Variants in TGS1 observed in about 807,000 individuals in gnomAD.
The protein encoded by TGS1 is trimethylguanosine synthase 1, also known as trimethylguanosine synthase.
In TGS1, 69 loss-of-function variants were observed where a neutral mutation model predicts 92.2. The observed-to-expected ratio is 0.75, with a 90% confidence interval of 0.62 to 0.91. TGS1 has a LOEUF of 0.91. TGS1 is among the 40% of genes least tolerant of loss of function. The pLI is 0.00. For missense variants in TGS1, 1,062 were observed against 1,001.2 expected (o/e 1.06, Z -0.82); for synonymous variants, 345 against 338.1 (o/e 1.02, Z -0.22).
chr8:55,801,432 A>G (rs1413235818), intron 8 of TGS1, among the ~76,000 whole-genome samples: 2 of 147,254 alleles, frequency 1.4e-5, no homozygotes, highest in Non-Finnish European at 3.0e-5. Flanking sequence ...CACCGTGCCC[A>G]GCTAATTTTT....
intron 12 of TGS1, among the ~76,000 whole-genome samples, chr8:55,819,310 T>C (rs1803569082): frequency 7.4e-6 from 1 of 134,808 alleles, no homozygotes; most frequent in Non-Finnish European, 1.6e-5. Context: ...TTTTTTTTTT[T>C]TTTGAGATGG....
Position 55,794,390 on chromosome 8 carries a change from A to G in TGS1, c.1368-1588A>G, listed in dbSNP as rs192484836. ...CTTCTTATTGCTGAATAGAATTCCAATGTATGGATGTACCAAAATTTGCTC... is the reference window on the plus strand; with the variant it reads ...CTTCTTATTGCTGAATAGAATTCCAGTGTATGGATGTACCAAAATTTGCTC... On this transcript the variant is annotated intron_variant, in intron 6 of 12. Coordinates refer to ENST00000260129, the MANE Select transcript of TGS1 (RefSeq NM_024831.8). 3.1e-3 allele frequency among the ~76,000 whole-genome samples: 479 copies of G among 152,274 alleles called. 5 individuals carry two copies. Among genetic ancestry groups the G allele is most frequent in the African/African-American group, 0.01 (420 of 41,548 alleles).
Position 55,785,867 on chromosome 8 carries a change from GA to G in TGS1, c.316del (p.Ile106Ter), listed in dbSNP as rs1342672924. ...SMGLPLQFGR[I>X]TAHKDFEVSM... The stretch of plus-strand genomic sequence containing the variant: ...TGGGATTGCCACTTCAATTTGGTAG[GA>G]TAACTGCACATAAGGATTTTGAGGT... On this transcript the variant is annotated frameshift_variant, in exon 3 of 13. Coordinates refer to ENST00000260129, the MANE Select transcript of TGS1 (RefSeq NM_024831.8). LOFTEE classifies it high-confidence loss of function. 1.2e-6 allele frequency: 2 copies of G among 1,608,392 alleles called. No individual in the cohort carries two copies. Among genetic ancestry groups the G allele is most frequent in the Non-Finnish European group, 8.5e-7 (1 of 1,178,126 alleles).
chr8:55,788,497 C>T (rs1325318306), intron 4 of TGS1, among the ~76,000 whole-genome samples: 1 of 148,366 alleles, frequency 6.7e-6, no homozygotes, highest in Non-Finnish European at 1.5e-5. Flanking sequence ...ACTCTGTCAC[C>T]CAAGCTGGAG....
In TGS1 at chr8:55,792,747, G is replaced by A. The variant is rs1811921363; in HGVS notation, c.1330G>A (p.Gly444Ser). ...CCCAGCTTCAGACTTTGATGACAGT[G>A]GTTCCCTTCTAGGATTCAAGTATGG... is the stretch of plus-strand genomic sequence containing the variant. ...ENPASDFDDS[G>S]SLLGFKYGSG... Residue 444 changes from glycine to serine, a missense_variant, in exon 6 of 13, where the codon GGT becomes AGT. Coordinates refer to ENST00000260129, the MANE Select transcript of TGS1 (RefSeq NM_024831.8). 6.2e-7 allele frequency: 1 copy of A among 1,613,774 alleles called. No individual in the cohort carries two copies. The highest frequency in any genetic ancestry group is 8.5e-7 in the Non-Finnish European group (1 of 1,179,786).
At chr8:55,804,028 C>G (rs996010218) in intron 9 of TGS1, among the ~76,000 whole-genome samples, 1 of 152,160 alleles carries the variant, frequency 6.6e-6, no homozygotes, top group Non-Finnish European at 1.5e-5. Context: ...TCTCTTTACT[C>G]TAGAGTGGAC....
intron 11 of TGS1, 139 bp downstream of exon 11, chr8:55,811,236 G>C: frequency 1.4e-6 from 1 of 707,232 alleles, no homozygotes; most frequent in African/African-American, 1.8e-5. Flanking sequence ...GCTGAGGCAG[G>C]TGGATCACCT....
intron 6 of TGS1, 120 bp downstream of exon 6, chr8:55,792,904 C>A: frequency 1.5e-6 from 1 of 668,412 alleles, no homozygotes; most frequent in Non-Finnish European, 2.6e-6. Flanking sequence ...CATTAAATCA[C>A]TTCTTGTTAG....
chr8:55,813,131 T>A lies in TGS1; in HGVS notation c.2439+13T>A. On this transcript the variant is annotated intron_variant, in intron 12 of 12. Transcript: ENST00000260129. ...TGATATTGACCAGGTAAGCCATTAC[T>A]GAAAAACTTCCATGAGTGTCTGTCT... The A allele has an allele frequency of 6.3e-7, 1 of 1,579,674 alleles. No individual in the cohort carries two copies. Among genetic ancestry groups the A allele is most frequent in the Non-Finnish European group, 8.7e-7 (1 of 1,150,678 alleles).
At chr8:55,808,747 G>T (rs911031584) in intron 10 of TGS1, among the ~76,000 whole-genome samples, 1 of 152,004 alleles carries the variant, frequency 6.6e-6, no homozygotes, top group Admixed American at 6.6e-5. Context: ...GACCTCAGGT[G>T]ATCCACCCAA....
At chr8:55,790,693 A>T (rs1417962268) in intron 5 of TGS1, among the ~76,000 whole-genome samples, 3 of 151,296 alleles carry the variant, frequency 2.0e-5, no homozygotes, top group African/African-American at 7.3e-5. Flanking sequence ...ATTTTTTAAA[A>T]TTTTTTATAG....
chr8:55,776,631 A>G (rs1207605484), intron 1 of TGS1, among the ~76,000 whole-genome samples: 2 of 152,032 alleles, frequency 1.3e-5, no homozygotes, highest in Admixed American at 6.5e-5. Context: ...ATCAGTAACT[A>G]CCAGGCCCAG....
At chr8:55,793,421 G>A (rs998125592) in intron 6 of TGS1, among the ~76,000 whole-genome samples, 1 of 152,146 alleles carries the variant, frequency 6.6e-6, no homozygotes, top group Non-Finnish European at 1.5e-5. Flanking sequence ...CAGCCCGGGA[G>A]GTTGAGGGTG....
At chr8:55,783,731 C>T (rs1811633535) in intron 2 of TGS1, among the ~76,000 whole-genome samples, 1 of 152,178 alleles carries the variant, frequency 6.6e-6, no homozygotes, top group African/African-American at 2.4e-5. Context: ...AGCCCAAGTA[C>T]AGTGTCATAG....
intron 12 of TGS1, among the ~76,000 whole-genome samples, chr8:55,813,534 C>T (rs1803392892): frequency 1.3e-5 from 2 of 152,180 alleles, no homozygotes; most frequent in Admixed American, 6.5e-5. Flanking sequence ...TACATATCTG[C>T]TTTGTGCCAG....
rs1411028425 is a variant in TGS1, at chr8:55,785,940, A to G, written c.339+49A>G. The G allele has an allele frequency of 4.8e-6, 7 of 1,453,462 alleles. No homozygotes were observed. In the East Asian group the frequency reaches 1.6e-4, roughly 34 times the overall value. The allele number at this position is 1,453,462 out of a possible 1,614,324, so 90.0% of individuals were successfully genotyped here. On this transcript the variant is annotated intron_variant, in intron 3 of 12. Transcript: ENST00000260129. ...ATTTCTCTCTCTTCGTTTTCTTTAT[A>G]AAATATCGCAAGGAATTACTTTTTA... is the stretch of plus-strand genomic sequence containing the variant.
At chr8:55,803,322 C>T (rs994610351) in intron 9 of TGS1, among the ~76,000 whole-genome samples, 4 of 152,328 alleles carry the variant, frequency 2.6e-5, no homozygotes, top group African/African-American at 7.2e-5. Flanking sequence ...TCCAGCTTTC[C>T]TGCTGTGATC....
At chr8:55,780,247 G>GCAGCCT (rs1426954634) in intron 1 of TGS1, among the ~76,000 whole-genome samples, 1 of 146,962 alleles carries the variant, frequency 6.8e-6, no homozygotes, top group Non-Finnish European at 1.5e-5. Context: ...ATTGCTTACT[G>GCAGCCT]CAGCCTCAGC....
At chr8:55,820,125 T>TGTAATAAAGCGCTCTGATGTTTCTGTG (rs1420003114) in intron 12 of TGS1, among the ~76,000 whole-genome samples, 1 of 152,234 alleles carries the variant, frequency 6.6e-6, no homozygotes, top group African/African-American at 2.4e-5. Context: ...TTCTGTGTCT[T>TGTAATAAAGCGCTCTGATGTTTCTGTG]TCTTGTAATA....
Sources: gnomAD v4.1 joint callset for allele counts (sites outside exome capture counted in the v4.1 genomes callset) on GRCh38, gnomAD v4.1.1 for gene constraint, MANE v1.5 for transcripts, NCBI Gene and HGNC (gene_info 2026-07-23, HGNC 2026-07-21) for gene names.